The following IFT140 variants were observed in gnomAD, a reference collection of about 807,000 sequenced individuals.
The protein encoded by IFT140 is intraflagellar transport protein 140 homolog.
In IFT140, 133 loss-of-function variants were observed where a neutral mutation model predicts 164.6. The ratio of observed to expected loss-of-function variants is 0.81; its 90% CI spans 0.70 to 0.93. IFT140 has a LOEUF of 0.93. IFT140 is among the 40% of genes least tolerant of loss of function. IFT140 has a pLI of 0.00. For synonymous variants in IFT140, 860 were observed against 817.3 expected (o/e 1.05, Z -0.89); for missense variants, 2,045 against 1,972.3 (o/e 1.04, Z -0.70).
rs995478287 is a variant in IFT140 at position 1,524,840 on chromosome 16, C to T, written c.2941G>A (p.Ala981Thr). 5 of 1,612,946 alleles carry T rather than the reference C, an allele frequency of 3.1e-6. No homozygotes were observed. The African/African-American group carries it at 6.7e-5, about 22-fold the overall frequency. Residue 981 changes from alanine (A) to threonine (T), a missense_variant, in exon 23 of 31, where the codon GCC (alanine) becomes ACC (threonine). Coordinates refer to ENST00000426508, the MANE Select transcript of IFT140 (RefSeq NM_014714.4). ...CGGACCAGGGAGAAGTGGTCCCGGG[C>T]CAGCTCGTAGTAGTGCAGCGCGGCG... ...MDAALHYYEL[A>T]RDHFSLVRIH...
intron 19 of IFT140, chr16:1,540,894 C>G: frequency 1.0e-6 from 1 of 985,430 alleles, no homozygotes; most frequent in South Asian, 4.7e-5. Flanking sequence ...CATGCAGTCC[C>G]TGACTCCAGG....
At position 1,520,004 on chromosome 16, in the gene IFT140, G is replaced by A. The variant is rs750011683; in HGVS notation, c.3917C>T (p.Ala1306Val). The A allele has an allele frequency of 3.0e-5, 48 of 1,602,386 alleles. No homozygotes were observed. The highest frequency in any genetic ancestry group is 3.6e-5 in the Non-Finnish European group (42 of 1,174,982). ...CAGGCACTTGTAGGCCTCGGTCAGC[G>A]CCCCGTGGGCTTTGTCGTAGTTCTG... ...EYQNYDKAHGALTEAYKCLAK... is the reference protein window; with the variant it reads ...EYQNYDKAHGVLTEAYKCLAK... Residue 1306 changes from alanine to valine, a missense_variant, in exon 29 of 31, where the codon GCG becomes GTG. Physicochemically the swap from Ala to Val is moderately conservative, Grantham distance 64. Coordinates refer to ENST00000426508, the MANE Select transcript of IFT140 (RefSeq NM_014714.4).
In IFT140 at chr16:1,520,641, C is replaced by A; in HGVS notation, c.3621G>T (p.Leu1207=). ...CGGCCTGCGTGTACTTCTTGGTGGC[C>A]AGGTGGTAGCTGCCCTGGCGCATGC... ...DCCMRQGSYH[L]ATKKYTQAGN... is the part of the protein sequence containing the mutation. The change falls in exon 27 of 31, where the codon CTG becomes CTT. Residue 1207 remains leucine, a synonymous_variant. Transcript: ENST00000426508. 1 of 1,599,886 alleles carries A rather than the reference C, an allele frequency of 6.3e-7. No homozygotes were observed. Among genetic ancestry groups the A allele is most frequent in the Non-Finnish European group, 8.5e-7 (1 of 1,172,160 alleles).
Position 1,602,358 on chromosome 16 carries a change from G to A in IFT140, c.369+12C>T, listed in dbSNP as rs192986766. On this transcript the variant is annotated intron_variant, in intron 4 of 30. Coordinates refer to ENST00000426508, the MANE Select transcript of IFT140 (RefSeq NM_014714.4). ...AAGGTCTGAAAACAGCGTCTTGCGC[G>A]TGTTGACTCACCCTGTCCCCAGACA... is the stretch of plus-strand genomic sequence containing the variant. 5.9e-4 allele frequency: 949 copies of A among 1,610,248 alleles called. 1 individual carries two copies. Among genetic ancestry groups the A allele is most frequent in the Non-Finnish European group, 7.4e-4 (875 of 1,176,588 alleles).
intron 19 of IFT140, chr16:1,555,053 G>A (rs1336108433): frequency 3.8e-6 from 6 of 1,587,214 alleles, no homozygotes; most frequent in African/African-American, 1.3e-5. Flanking sequence ...CTCCATCAAC[G>A]CACACCTGCT....
rs955982121 is a variant in IFT140, at chr16:1,564,404, C to T, written c.1902-242G>A. Among the ~76,000 whole-genome samples the T allele has an allele frequency of 9.9e-5, 15 of 152,206 alleles. No homozygotes were observed. Among genetic ancestry groups the T allele is most frequent in the African/African-American group, 3.1e-4 (13 of 41,460 alleles). ...GTTTGAAAGAACCACAAAAAGATGACGCTTTGATTCTGGAGGCCTTATGGG... is the reference window on the plus strand; with the variant it reads ...GTTTGAAAGAACCACAAAAAGATGATGCTTTGATTCTGGAGGCCTTATGGG... On this transcript the variant is annotated intron_variant, in intron 16 of 30. Transcript: ENST00000426508. The surrounding 1 kb of genome is among the most constrained non-coding windows in gnomAD (Gnocchi z 5.5).
rs1185256463 is a variant in IFT140 at position 1,518,411 on chromosome 16, A to C, written c.4041-54T>G. ...CCCGAAGCCCTGAACACCTACTGCT[A>C]TCAGAGGTCAGAGGAGACTCTTGGC... is the stretch of plus-strand genomic sequence containing the variant. On this transcript the variant is annotated intron_variant, in intron 29 of 30. Coordinates refer to ENST00000426508, the MANE Select transcript of IFT140 (RefSeq NM_014714.4). The C allele has an allele frequency of 1.4e-5, 22 of 1,567,300 alleles. No homozygotes were observed. The Admixed American group carries it at 4.0e-4, about 28-fold the overall frequency.
intron 26 of IFT140, 121 bp downstream of exon 26, chr16:1,523,397 A>T (rs1379023606): frequency 9.5e-7 from 1 of 1,057,958 alleles, no homozygotes; most frequent in Non-Finnish European, 1.4e-6. Flanking sequence ...GGGGGCACCC[A>T]CCGCAGCCTT....
chr16:1,604,474 T>A (rs1360995476), intron 3 of IFT140: 1 of 152,278 alleles, frequency 6.6e-6, no homozygotes, highest in Non-Finnish European at 1.5e-5. Flanking sequence ...TGTGTCAGCA[T>A]CAAGGAAGGT....
intron 19 of IFT140, among the ~76,000 whole-genome samples, chr16:1,547,724 T>C (rs1458760144): frequency 2.0e-5 from 3 of 152,248 alleles, no homozygotes; most frequent in South Asian, 2.1e-4. Flanking sequence ...TTGGTAGAGA[T>C]GGGGTTTCAC....
intron 3 of IFT140, among the ~76,000 whole-genome samples, chr16:1,605,976 G>C (rs950343484): frequency 1.3e-5 from 2 of 152,178 alleles, no homozygotes; most frequent in Non-Finnish European, 2.9e-5. Context: ...ACATACAGAA[G>C]GGAAGGCCGG....
intron 13 of IFT140, chr16:1,579,363 G>A (rs2141724669): frequency 6.6e-6 from 1 of 152,176 alleles, no homozygotes; most frequent in African/African-American, 2.4e-5. Flanking sequence ...AGACCTTGTG[G>A]TTCAAGGTCA....
At chr16:1,596,494 C>A (rs1194442392) in intron 4 of IFT140, among the ~76,000 whole-genome samples, 1 of 152,172 alleles carries the variant, frequency 6.6e-6, no homozygotes, top group East Asian at 1.9e-4. Flanking sequence ...TTCCAGGCTG[C>A]TGCTCTGGGG....
At chr16:1,528,753 C>T (rs2030105548) in intron 19 of IFT140, 1 of 152,638 alleles carries the variant, frequency 6.6e-6, no homozygotes. Flanking sequence ...GCTCTGAGGA[C>T]TGGAGGGACC....
chr16:1,572,689 C>T (rs1386893461), intron 13 of IFT140, among the ~76,000 whole-genome samples: 4 of 152,170 alleles, frequency 2.6e-5, no homozygotes, highest in African/African-American at 4.8e-5. Flanking sequence ...CCACAGTCAC[C>T]CCACAGTTGC....
At chr16:1,544,857 C>T (rs2032026736) in intron 19 of IFT140, among the ~76,000 whole-genome samples, 1 of 151,974 alleles carries the variant, frequency 6.6e-6, no homozygotes, top group Non-Finnish European at 1.5e-5. Context: ...ACCGTGTTAG[C>T]CAGGATGGTC....
At chr16:1,578,020 T>G (rs931720906) in intron 13 of IFT140, 3 of 152,012 alleles carry the variant, frequency 2.0e-5, no homozygotes, top group Non-Finnish European at 4.4e-5. Context: ...TCTCAACTAC[T>G]CCCTTCCAGC....
intron 30 of IFT140, chr16:1,513,328 A>AAAAT (rs1323684848): frequency 1.3e-5 from 2 of 152,122 alleles, no homozygotes; most frequent in South Asian, 2.1e-4. Flanking sequence ...TCTCTACTAA[A>AAAAT]AAATAAATAA....
intron 4 of IFT140, among the ~76,000 whole-genome samples, chr16:1,600,365 TTGTTTATC>T (rs1185191320): frequency 7.0e-6 from 1 of 143,484 alleles, no homozygotes; most frequent in East Asian, 2.0e-4. Context: ...CTTTGTTCAC[TTGTTTATC>T]TGCTGACCTT....
Sources: allele counts gnomAD v4.1 joint callset (sites outside exome capture counted in the v4.1 genomes callset), GRCh38; gene constraint gnomAD v4.1.1; non-coding constraint Gnocchi (gnomAD v3.1); transcripts MANE v1.5; gene names NCBI Gene and HGNC (gene_info 2026-07-23, HGNC 2026-07-21).